The following DRG2 variants were observed in gnomAD, a reference collection of about 807,000 sequenced individuals.
The protein encoded by DRG2 is developmentally-regulated GTP-binding protein 2.
A neutral mutation model predicts 53.4 loss-of-function variants in DRG2; 36 were observed. That is an observed-to-expected ratio of 0.67 (90% CI 0.52 to 0.89). The LOEUF is 0.89. Among genes scored for constraint, DRG2 ranks in the 40% least tolerant of loss-of-function variants. The pLI, the probability that DRG2 is intolerant of heterozygous loss-of-function variation, is 0.00. For missense variants in DRG2, 342 were observed against 481.2 expected, an observed-to-expected ratio of 0.71 and a Z score of 2.71; for synonymous variants, 167 against 192.1, an observed-to-expected ratio of 0.87 and a Z score of 1.08.
In DRG2 at chr17:18,098,418, G is replaced by A. The variant is rs1597723331; in HGVS notation, c.315+59G>A. 3.4e-6 allele frequency: 5 copies of A among 1,488,786 alleles called. No individual in the cohort carries two copies. Among genetic ancestry groups the A allele is most frequent in the Non-Finnish European group, 3.7e-6 (4 of 1,067,970 alleles). The allele number at this position is 1,488,786 out of a possible 1,614,324, so 92.2% of individuals were successfully genotyped here. On this transcript the variant is annotated intron_variant, in intron 3 of 12. Coordinates refer to ENST00000225729, the MANE Select transcript of DRG2 (RefSeq NM_001388.5). The surrounding 1 kb of genome is among the most constrained non-coding windows in gnomAD (Gnocchi z 4.1). ...GGCGCATGCTTGTGTTTGGACTTGT[G>A]CCTGTGCCCACCCTGTGTGTGAGTC...
chr17:18,103,721 G>T lies in DRG2; in HGVS notation c.807-80G>T, dbSNP rs986933278. 1.5e-6 allele frequency: 2 copies of T among 1,366,290 alleles called. No homozygotes were observed. Among genetic ancestry groups the T allele is most frequent in the Non-Finnish European group, 1.0e-6 (1 of 957,764 alleles). 84.6% of individuals were successfully genotyped at this position (1,366,290 alleles called of 1,614,324 possible). On this transcript the variant is annotated intron_variant, in intron 9 of 12. Coordinates refer to ENST00000225729, the MANE Select transcript of DRG2 (RefSeq NM_001388.5). This position sits in a 1 kb window ranked among gnomAD's most constrained non-coding sequence, Gnocchi z 4.4. The stretch of plus-strand genomic sequence containing the variant: ...GCCACCTGGCCAGTGGAGGTTATCC[G>T]CTCCAATAGTGAGAAGTGGAGACCC...
chr17:18,090,413 T>A (rs1365302133), intron 1 of DRG2, among the ~76,000 whole-genome samples: 1 of 66,352 alleles, frequency 1.5e-5, no homozygotes, highest in East Asian at 4.1e-4. Flanking sequence ...TATATTTTTT[T>A]TTTTTTTTTT....
In DRG2 at chr17:18,090,386, ATATATATATATATATATATATT is replaced by A. The variant is rs1287847337; in HGVS notation, c.64+2301_64+2322del. Among the ~76,000 whole-genome samples the A allele has an allele frequency of 9.2e-3, 98 of 10,654 alleles. 1 individual carries two copies. Among genetic ancestry groups the A allele is most frequent in the South Asian group, 0.047 (5 of 106 alleles). 7.0% of individuals were successfully genotyped at this position (10,654 alleles called of 152,430 possible). ...GGCTAATTTATATATATATATATAT[ATATATATATATATATATATATT>A]TTTTTTTTTTTTTTTTTTTTTTTTT... On this transcript the variant is annotated intron_variant, in intron 1 of 12. Transcript: ENST00000225729.
intron 2 of DRG2, among the ~76,000 whole-genome samples, chr17:18,094,908 A>G (rs1482450372): frequency 8.4e-6 from 1 of 118,468 alleles, no homozygotes; most frequent in Non-Finnish European, 1.6e-5. Flanking sequence ...TGGGAAGCAG[A>G]GGTTGCGGTG....
In DRG2 at chr17:18,107,154, G is replaced by A; in HGVS notation, c.1009G>A (p.Gly337Ser). The change falls in exon 13 of 13, where the codon GGC becomes AGC. Residue 337 changes from glycine (G) to serine (S), a missense_variant and splice_region_variant. Physicochemically the swap from Gly to Ser is moderately conservative, Grantham distance 56. Coordinates refer to ENST00000225729, the MANE Select transcript of DRG2 (RefSeq NM_001388.5). ...CCCTCTGCCCCCATTCCTCACCCAG[G>A]GCACCAGCACCAAGTACAGTCCGCA... ...ASQFKYALVWGTSTKYSPQRV... is the reference protein window; with the variant it reads ...ASQFKYALVWSTSTKYSPQRV... 6.2e-7 allele frequency: 1 copy of A among 1,613,202 alleles called. No homozygotes were observed. Among genetic ancestry groups the A allele is most frequent in the African/African-American group, 1.3e-5 (1 of 75,018 alleles).
At chr17:18,093,792 G>C in intron 1 of DRG2, 21 bp from the exon 2 acceptor site, 2 of 1,610,762 alleles carry the variant, frequency 1.2e-6, no homozygotes, top group Non-Finnish European at 1.7e-6. Flanking sequence ...CTCATCTTCT[G>C]TCTTGCTTTC....
rs369871903 is a variant in DRG2 at position 18,106,673 on chromosome 17, CT to C, written c.1008+197del. 9.1e-3 allele frequency among the ~76,000 whole-genome samples: 1,283 copies of C among 141,498 alleles called. 16 individuals are homozygous for C. The highest frequency in any genetic ancestry group is 0.029 in the African/African-American group (1,117 of 38,286). The allele number at this position is 141,498 out of a possible 152,430, so 92.8% of individuals were successfully genotyped here. The stretch of plus-strand genomic sequence containing the variant: ...AGGGTAGACATGGGCCTTCCCCACC[CT>C]TTTTTTTTTCTGGTTTTTTTTTTTT... On this transcript the variant is annotated intron_variant, in intron 12 of 12. Coordinates refer to ENST00000225729, the MANE Select transcript of DRG2 (RefSeq NM_001388.5).
chr17:18,094,040 C>T (rs1048315695), intron 2 of DRG2, 67 bp downstream of exon 2: 544 of 1,561,598 alleles, frequency 3.5e-4, no homozygotes, highest in Middle Eastern at 3.2e-3. Flanking sequence ...AGGTGACCAT[C>T]CAGGCTCCCC....
At chr17:18,088,664 C>T (rs2045260064) in intron 1 of DRG2, among the ~76,000 whole-genome samples, 2 of 152,222 alleles carry the variant, frequency 1.3e-5, no homozygotes, top group Admixed American at 6.5e-5. Context: ...TAGTACACAG[C>T]TGAGTTAAAT....
rs779870520 is a variant in DRG2, at chr17:18,107,278, C to T, written c.*38C>T. ...GGCCTCCCGCCCACCTGCCTCGTCTCCCTGGGGAGGTGGTCCCACTGGGAC... is the reference window on the plus strand; with the variant it reads ...GGCCTCCCGCCCACCTGCCTCGTCTTCCTGGGGAGGTGGTCCCACTGGGAC... On this transcript the variant is annotated 3_prime_UTR_variant, in exon 13 of 13. Coordinates refer to ENST00000225729, the MANE Select transcript of DRG2 (RefSeq NM_001388.5). 5.0e-6 allele frequency: 8 copies of T among 1,598,332 alleles called. No individual in the cohort carries two copies. The highest frequency in any genetic ancestry group is 6.8e-6 in the Non-Finnish European group (8 of 1,169,510).
At chr17:18,102,542 A>T (rs1308909588) in intron 9 of DRG2, among the ~76,000 whole-genome samples, 1 of 147,052 alleles carries the variant, frequency 6.8e-6, no homozygotes, top group Non-Finnish European at 1.5e-5. Context: ...GATCACTTGA[A>T]CCCGGGAGGT....
chr17:18,102,270 G>C (rs544484922), intron 9 of DRG2, among the ~76,000 whole-genome samples: 1 of 152,316 alleles, frequency 6.6e-6, no homozygotes, highest in Admixed American at 6.5e-5. Flanking sequence ...GTGACGTCTT[G>C]TGGGCTCTGG....
At chr17:18,106,968 A>G (rs2045650902) in intron 12 of DRG2, among the ~76,000 whole-genome samples, 186 bp from the exon 13 acceptor site, 1 of 152,122 alleles carries the variant, frequency 6.6e-6, no homozygotes, top group African/African-American at 2.4e-5. Flanking sequence ...GGCATTAGCC[A>G]CTGTGCCTGG....
At position 18,098,671 on chromosome 17, in the gene DRG2, TC is replaced by T. The variant is rs1251859716; in HGVS notation, c.315+316del. 5.9e-5 allele frequency among the ~76,000 whole-genome samples: 9 copies of T among 152,206 alleles called. No individual in the cohort carries two copies. The highest frequency in any genetic ancestry group is 1.2e-4 in the Non-Finnish European group (8 of 68,030). Reference sequence around the variant, plus strand: ...TGCTGCTTGGCTGGATCCTTCTGCCTCCCCATGAAGCTTCACTGCCTTGGGC... The same window carrying T: ...TGCTGCTTGGCTGGATCCTTCTGCCTCCCATGAAGCTTCACTGCCTTGGGC... On this transcript the variant is annotated intron_variant, in intron 3 of 12. Coordinates refer to ENST00000225729, the MANE Select transcript of DRG2 (RefSeq NM_001388.5). This position sits in a 1 kb window ranked among gnomAD's most constrained non-coding sequence, Gnocchi z 4.1.
Position 18,107,597 on chromosome 17 carries a change from G to A in DRG2, c.*357G>A, listed in dbSNP as rs2045665750. The stretch of plus-strand genomic sequence containing the variant: ...ATGCTCAGTGCCAGGCTGGTAGCTG[G>A]GCCTGTTTGGGTCCCTGGAGGCTGT... On this transcript the variant is annotated 3_prime_UTR_variant, in exon 13 of 13. Coordinates refer to ENST00000225729, the MANE Select transcript of DRG2 (RefSeq NM_001388.5). The A allele has an allele frequency of 3.8e-6, 1 of 262,504 alleles. No homozygotes were observed. The highest frequency in any genetic ancestry group is 5.6e-5 in the South Asian group (1 of 17,978). The allele number at this position is 262,504 out of a possible 1,614,324, so 16.3% of individuals were successfully genotyped here.
At chr17:18,093,671 G>A in intron 1 of DRG2, 142 bp from the exon 2 acceptor site, 1 of 986,086 alleles carries the variant, frequency 1.0e-6, no homozygotes, top group Non-Finnish European at 1.5e-6. Flanking sequence ...GGCCTTTTAA[G>A]CAGAGAGATT....
In DRG2 at chr17:18,103,827, A is replaced by G. The variant is rs902526200; in HGVS notation, c.833A>G (p.Tyr278Cys). 5.0e-6 allele frequency: 8 copies of G among 1,613,962 alleles called. No homozygotes were observed. In the Admixed American group the frequency reaches 1.3e-4, roughly 27 times the overall value. ...ISCGMKLNLD[Y>C]LLEMLWEYLA... ...TGCGGCATGAAGCTGAACCTGGACTATCTGCTGGAGATGCTTTGGGAGTAC... is the reference window on the plus strand; with the variant it reads ...TGCGGCATGAAGCTGAACCTGGACTGTCTGCTGGAGATGCTTTGGGAGTAC... Residue 278 changes from tyrosine to cysteine, a missense_variant, in exon 10 of 13, where the codon TAT becomes TGT. Coordinates refer to ENST00000225729, the MANE Select transcript of DRG2 (RefSeq NM_001388.5). This position sits in a 1 kb window ranked among gnomAD's most constrained non-coding sequence, Gnocchi z 4.4.
Position 18,107,710 on chromosome 17 carries a change from G to C in DRG2, c.*470G>C. On this transcript the variant is annotated 3_prime_UTR_variant, in exon 13 of 13. Transcript: ENST00000225729. ...GGCCCTTCCAGGAGGAAACCCCCTT[G>C]GGTGCCCCACACAGGGCTCTCCATG... is the stretch of plus-strand genomic sequence containing the variant. 5.1e-6 allele frequency: 1 copy of C among 195,398 alleles called. No homozygotes were observed. The highest frequency in any genetic ancestry group is 1.1e-5 in the Non-Finnish European group (1 of 93,114). 12.1% of individuals were successfully genotyped at this position (195,398 alleles called of 1,614,324 possible).
At chr17:18,092,949 A>T (rs527945493) in intron 1 of DRG2, among the ~76,000 whole-genome samples, 143 of 152,340 alleles carry the variant, frequency 9.4e-4, no homozygotes, top group African/African-American at 3.2e-3. Flanking sequence ...TTCCCTTCAT[A>T]TACATAATAG....
Sources: allele counts gnomAD v4.1 joint callset (sites outside exome capture counted in the v4.1 genomes callset), GRCh38; gene constraint gnomAD v4.1.1; non-coding constraint Gnocchi (gnomAD v3.1); transcripts MANE v1.5; gene names NCBI Gene and HGNC (gene_info 2026-07-23, HGNC 2026-07-21).